PIK3R3: variants seen among roughly 807,000 people sequenced by gnomAD.
PIK3R3 encodes the protein phosphoinositide-3-kinase regulatory subunit 3, also known as phosphatidylinositol 3-kinase regulatory subunit gamma.
In PIK3R3, 64 loss-of-function variants were observed where a neutral mutation model predicts 62.9. That is an observed-to-expected ratio of 1.02 (90% CI 0.83 to 1.25). The LOEUF (loss-of-function observed/expected upper bound fraction) is 1.25. Among genes scored for constraint, PIK3R3 ranks in the 50% most tolerant of loss-of-function variants. The probability of loss-of-function intolerance (pLI) is 0.00; values close to 1 mark genes in which losing one functional copy is unlikely to be tolerated. For synonymous variants in PIK3R3, 165 were observed against 189.0 expected, an observed-to-expected ratio of 0.87 and a Z score of 1.04; for missense variants, 614 against 561.6, an observed-to-expected ratio of 1.09 and a Z score of -0.94.
At chr1:46,138,038 CTTTTA>C in the PIK3R3 span, among the ~76,000 whole-genome samples, 1 of 152,146 alleles carries the variant, frequency 6.6e-6, no homozygotes, top group African/African-American at 2.4e-5. Flanking sequence ...TTCCGCTGCC[CTTTTA>C]TTTTATCAGC....
rs1571333491 is a variant in PIK3R3 at position 46,043,052 on chromosome 1, G to A, written c.*621C>T. ...AACATAATACTTCTTCAGAGGGAGG[G>A]GCTGGTGAGATGCTGAAGCCTAAAT... On this transcript the variant is annotated 3_prime_UTR_variant, in exon 10 of 10. Transcript: ENST00000262741. 4.4e-6 allele frequency: 1 copy of A among 226,456 alleles called. No homozygotes were observed. Among genetic ancestry groups the A allele is most frequent in the East Asian group, 6.4e-5 (1 of 15,642 alleles). The allele number at this position is 226,456 out of a possible 1,614,324, so 14.0% of individuals were successfully genotyped here.
At chr1:46,127,642 A>T (rs1426626987) in intron 1 of PIK3R3, among the ~76,000 whole-genome samples, 4 of 152,116 alleles carry the variant, frequency 2.6e-5, no homozygotes, top group African/African-American at 9.7e-5. Flanking sequence ...GAATAATCCC[A>T]ATTCCCGAAG....
At chr1:46,112,693 C>T (rs1453446260) in intron 1 of PIK3R3, among the ~76,000 whole-genome samples, 10 of 152,122 alleles carry the variant, frequency 6.6e-5, no homozygotes, top group Non-Finnish European at 1.3e-4. Flanking sequence ...CCCCACCCTA[C>T]GAACTCAGTA....
At chr1:46,097,929 G>C (rs1652298574) in intron 1 of PIK3R3, among the ~76,000 whole-genome samples, 1 of 150,646 alleles carries the variant, frequency 6.6e-6, no homozygotes, top group Admixed American at 6.6e-5. Flanking sequence ...GGGCTATTAG[G>C]GAAGTAAAAT....
chr1:46,064,772 T>C (rs1047724984), intron 5 of PIK3R3, among the ~76,000 whole-genome samples: 2 of 152,122 alleles, frequency 1.3e-5, no homozygotes, highest in East Asian at 3.8e-4. Flanking sequence ...GTGAGATGCA[T>C]ATACACAGTG....
At chr1:46,103,164 T>C (rs785520) in intron 1 of PIK3R3, among the ~76,000 whole-genome samples, 69,682 of 151,976 alleles carry the variant, frequency 0.46, 16,123 homozygotes, top group East Asian at 0.62. Flanking sequence ...GGTTGCGTGA[T>C]AGGGGAAACG....
chr1:46,093,546 T>C (rs1346013402), intron 1 of PIK3R3, among the ~76,000 whole-genome samples: 1 of 152,172 alleles, frequency 6.6e-6, no homozygotes, highest in Non-Finnish European at 1.5e-5. Flanking sequence ...CATAAATCTT[T>C]GCTATATAGT....
chr1:46,102,237 G>A lies in PIK3R3; in HGVS notation c.107-21487C>T, dbSNP rs569779819. Among the ~76,000 whole-genome samples, 86 of 152,002 alleles carry A rather than the reference G, an allele frequency of 5.7e-4. No individual in the cohort carries two copies. In the East Asian group the frequency reaches 0.015, roughly 27 times the overall value. On this transcript the variant is annotated intron_variant, in intron 1 of 9. Coordinates refer to ENST00000262741, the MANE Select transcript of PIK3R3 (RefSeq NM_003629.4). Reference sequence around the variant, plus strand: ...CCTGACCTCGTGATCCGCCCGCCTCGGCCTCCCAAAGTGCTGGGATTACAG... The same window carrying A: ...CCTGACCTCGTGATCCGCCCGCCTCAGCCTCCCAAAGTGCTGGGATTACAG...
At chr1:46,167,288 A>T in the PIK3R3 span, among the ~76,000 whole-genome samples, 2 of 152,256 alleles carry the variant, frequency 1.3e-5, no homozygotes, top group Non-Finnish European at 2.9e-5. Context: ...CAAAGCTCCG[A>T]AGCTCTGGAT....
intron 3 of PIK3R3, among the ~76,000 whole-genome samples, chr1:46,075,958 G>C (rs988212177): frequency 7.9e-5 from 12 of 152,220 alleles, no homozygotes; most frequent in African/African-American, 1.4e-4. Flanking sequence ...CTGGAGTTCT[G>C]ATTTCCAAGG....
intron 1 of PIK3R3, among the ~76,000 whole-genome samples, chr1:46,098,835 G>A (rs1652387568): frequency 6.6e-6 from 1 of 151,908 alleles, no homozygotes; most frequent in Non-Finnish European, 1.5e-5. Flanking sequence ...CAAGTAACTG[G>A]GACTACAGGC....
chr1:46,043,132 CTTAGA>C lies in PIK3R3; in HGVS notation c.*536_*540del, dbSNP rs1647025999. ...TTGAAGGTTTTTTTTATCATCTTGG[CTTAGA>C]TTATTTAAATGAAATCCCAAGCCTC... On this transcript the variant is annotated 3_prime_UTR_variant, in exon 10 of 10. Coordinates refer to ENST00000262741, the MANE Select transcript of PIK3R3 (RefSeq NM_003629.4). The C allele has an allele frequency of 4.4e-6, 1 of 229,558 alleles. No individual in the cohort carries two copies. Among genetic ancestry groups the C allele is most frequent in the Non-Finnish European group, 8.6e-6 (1 of 115,702 alleles). The allele number at this position is 229,558 out of a possible 1,614,324, so 14.2% of individuals were successfully genotyped here.
upstream of PIK3R3, among the ~76,000 whole-genome samples, chr1:46,136,623 G>A (rs1461847711): frequency 2.0e-5 from 3 of 152,108 alleles, no homozygotes; most frequent in Non-Finnish European, 4.4e-5. Flanking sequence ...CATTCCCCTA[G>A]ATGCTGCTGA....
At chr1:46,095,944 T>G (rs1652081921) in intron 1 of PIK3R3, among the ~76,000 whole-genome samples, 1 of 152,208 alleles carries the variant, frequency 6.6e-6, no homozygotes, top group Admixed American at 6.5e-5. Flanking sequence ...CAATGAATTA[T>G]ATGTATATTT....
At chr1:46,054,421 A>AAAAAC (rs1647675412) in intron 7 of PIK3R3, among the ~76,000 whole-genome samples, 1 of 145,786 alleles carries the variant, frequency 6.9e-6, no homozygotes, top group African/African-American at 2.5e-5. Flanking sequence ...AAAAAAAAAA[A>AAAAAC]TCACCTTAAA....
chr1:46,166,130 A>G, the PIK3R3 span, among the ~76,000 whole-genome samples: 1 of 151,896 alleles, frequency 6.6e-6, no homozygotes, highest in African/African-American at 2.4e-5. Flanking sequence ...TTTTTGGTCA[A>G]TTTGGTGAAC....
intron 1 of PIK3R3, among the ~76,000 whole-genome samples, chr1:46,115,091 T>C (rs1317208640): frequency 6.6e-6 from 1 of 152,118 alleles, no homozygotes; most frequent in African/African-American, 2.4e-5. Context: ...AAGCATCTAC[T>C]TTCTCTCCAG....
intron 1 of PIK3R3, among the ~76,000 whole-genome samples, chr1:46,085,638 A>G (rs1650984082): frequency 6.6e-6 from 1 of 152,256 alleles, no homozygotes; most frequent in Admixed American, 6.5e-5. Flanking sequence ...TAAAGGTAAA[A>G]TAATTCCAAA....
intron 3 of PIK3R3, among the ~76,000 whole-genome samples, chr1:46,075,090 C>T (rs1050486982): frequency 4.6e-5 from 7 of 152,222 alleles, no homozygotes; most frequent in African/African-American, 1.7e-4. Context: ...TTTCTACAAA[C>T]GTTTGACAGT....
Sources: gnomAD v4.1 joint callset for allele counts (sites outside exome capture counted in the v4.1 genomes callset) on GRCh38, gnomAD v4.1.1 for gene constraint, MANE v1.5 for transcripts, NCBI Gene and HGNC (gene_info 2026-07-23, HGNC 2026-07-21) for gene names.